Variants in RANBP2 observed in about 807,000 individuals in gnomAD.
RANBP2 encodes E3 SUMO-protein ligase RanBP2.
In RANBP2, 57 loss-of-function variants were observed where a neutral mutation model predicts 303.6. The observed-to-expected ratio is 0.19, with a 90% CI of 0.15 to 0.23. The LOEUF (loss-of-function observed/expected upper bound fraction) is 0.23. Ranked by LOEUF, RANBP2 falls within the 10% of genes least tolerant of loss-of-function variation. The probability of loss-of-function intolerance (pLI) is 1.00; values close to 1 mark genes in which losing one functional copy is unlikely to be tolerated. For synonymous variants in RANBP2, 1,167 were observed against 1,301.5 expected (o/e 0.90, Z 2.23); for missense variants, 3,138 against 3,780.8 (o/e 0.83, Z 4.46).
chr2:109,198,445 C>T, the RANBP2 span, among the ~76,000 whole-genome samples: 1 of 152,198 alleles, frequency 6.6e-6, no homozygotes, highest in East Asian at 1.9e-4. Context: ...GTACCCTGCC[C>T]AGCACAGATT....
the RANBP2 span, among the ~76,000 whole-genome samples, chr2:109,309,486 A>G: frequency 1.5e-5 from 2 of 129,516 alleles, 1 homozygote. Context: ...GACAGGATCA[A>G]ATTCACACAT....
chr2:108,733,305 A>ACCCATGCT (rs1284335433), intron 4 of RANBP2, among the ~76,000 whole-genome samples: 1 of 112,066 alleles, frequency 8.9e-6, no homozygotes, highest in African/African-American at 3.7e-5. Flanking sequence ...TTGCTTAGTC[A>ACCCATGCT]CCCATGCTGG....
chr2:108,753,626 C>T (rs1676080401), intron 14 of RANBP2, 63 bp downstream of exon 14: 41 of 1,591,826 alleles, frequency 2.6e-5, no homozygotes, highest in East Asian at 6.8e-5. Flanking sequence ...TTTTAAAAGA[C>T]GGGGTTTCTC....
chr2:108,873,661 A>G, the RANBP2 span: 2 of 1,109,188 alleles, frequency 1.8e-6, no homozygotes, highest in Non-Finnish European at 1.3e-6. Context: ...CAGGGGTTTT[A>G]ATCTTTTGGC....
At chr2:108,720,375 A>G (rs980494033) in intron 1 of RANBP2, among the ~76,000 whole-genome samples, 1 of 151,610 alleles carries the variant, frequency 6.6e-6, no homozygotes, top group Non-Finnish European at 1.5e-5. Flanking sequence ...AAAAATTCTA[A>G]AGTTCTTACA....
the RANBP2 span, among the ~76,000 whole-genome samples, chr2:109,465,349 G>T: frequency 1.3e-5 from 2 of 152,204 alleles, no homozygotes; most frequent in African/African-American, 2.4e-5. Flanking sequence ...TTAGGAGTAT[G>T]TAAGAGTATG....
At chr2:109,176,635 G>T in the RANBP2 span, among the ~76,000 whole-genome samples, 66 of 152,318 alleles carry the variant, frequency 4.3e-4, no homozygotes, top group African/African-American at 1.6e-3. Context: ...AACCCAGAAG[G>T]CTGAGGCAGG....
chr2:109,129,075 CG>C, the RANBP2 span: 2 of 379,492 alleles, frequency 5.3e-6, no homozygotes, highest in South Asian at 1.9e-5. Flanking sequence ...GGAGGTGCCG[CG>C]GGGGCGGTGC....
the RANBP2 span, among the ~76,000 whole-genome samples, chr2:109,465,455 G>C: frequency 6.6e-6 from 1 of 152,202 alleles, no homozygotes; most frequent in Non-Finnish European, 1.5e-5. Context: ...AGCAATGAAT[G>C]AGAGTTCTCA....
At chr2:108,968,794 T>A in the RANBP2 span, among the ~76,000 whole-genome samples, 2 of 152,222 alleles carry the variant, frequency 1.3e-5, no homozygotes, top group Non-Finnish European at 2.9e-5. Flanking sequence ...TTCCAGGGAC[T>A]CAGGCCTGCC....
chr2:108,879,633 T>A, the RANBP2 span, among the ~76,000 whole-genome samples: 8 of 152,202 alleles, frequency 5.3e-5, no homozygotes, highest in Non-Finnish European at 1.0e-4. Context: ...TTTTAGTATA[T>A]TATTATTATT....
At chr2:108,868,979 C>T in the RANBP2 span, among the ~76,000 whole-genome samples, 3 of 152,098 alleles carry the variant, frequency 2.0e-5, no homozygotes, top group Non-Finnish European at 2.9e-5. Flanking sequence ...TGAATTAACA[C>T]AGACTATACT....
chr2:108,984,260 G>A, the RANBP2 span, among the ~76,000 whole-genome samples: 47 of 152,206 alleles, frequency 3.1e-4, 1 homozygote, highest in African/African-American at 1.1e-3. Flanking sequence ...GAGGCTACTT[G>A]GAGACCCAGC....
the RANBP2 span, among the ~76,000 whole-genome samples, chr2:108,945,198 G>C: frequency 1.3e-5 from 2 of 152,132 alleles, no homozygotes; most frequent in Admixed American, 1.3e-4. Context: ...GCTTGGGTGG[G>C]GGCGAGCTCC....
chr2:109,244,100 AAGAATAGTTT>A, the RANBP2 span, among the ~76,000 whole-genome samples: 14 of 152,224 alleles, frequency 9.2e-5, no homozygotes, highest in Admixed American at 9.2e-4. Context: ...TCCTGATAGA[AAGAATAGTTT>A]TCCTTGAACT....
the RANBP2 span, chr2:109,129,905 G>A: frequency 2.0e-6 from 3 of 1,507,146 alleles, no homozygotes; most frequent in Non-Finnish European, 2.6e-6. Flanking sequence ...GACGGCATCC[G>A]TCAGCGGCCC....
the RANBP2 span, among the ~76,000 whole-genome samples, chr2:108,825,267 G>C: frequency 1.1e-5 from 1 of 91,876 alleles, no homozygotes; most frequent in Non-Finnish European, 2.9e-5. Flanking sequence ...TGTTCTGGTG[G>C]TGGGTTTTTT....
the RANBP2 span, among the ~76,000 whole-genome samples, chr2:109,522,619 TG>T: frequency 6.6e-6 from 1 of 151,160 alleles, no homozygotes; most frequent in African/African-American, 2.4e-5. Context: ...TTTTCCAGGC[TG>T]GTCTCAAACT....
At chr2:109,501,240 T>C in the RANBP2 span, among the ~76,000 whole-genome samples, 1 of 152,126 alleles carries the variant, frequency 6.6e-6, no homozygotes, top group African/African-American at 2.4e-5. Context: ...GTGGAGAATC[T>C]TCAAGGGAGT....
Sources: allele counts gnomAD v4.1 joint callset (sites outside exome capture counted in the v4.1 genomes callset), GRCh38; gene constraint gnomAD v4.1.1; transcripts MANE v1.5; gene names NCBI Gene and HGNC (gene_info 2026-07-23, HGNC 2026-07-21).